The following FSTL5 variants were observed in gnomAD, a reference collection of about 807,000 sequenced individuals.
FSTL5 encodes follistatin-related protein 5.
FSTL5 carries 62 observed loss-of-function variants against 89.1 expected under a neutral mutation model. The ratio of observed to expected loss-of-function variants is 0.70; its 90% CI spans 0.57 to 0.86. The LOEUF (loss-of-function observed/expected upper bound fraction) is 0.86, where lower values mean the gene tolerates loss of function less well. Among genes scored for constraint, FSTL5 ranks in the 40% least tolerant of loss-of-function variants. FSTL5 has a pLI of 0.00. For missense variants in FSTL5, 1,057 were observed against 1,001.6 expected (o/e 1.06, Z -0.75); for synonymous variants, 383 against 346.2 (o/e 1.11, Z -1.18).
chr4:161,735,843 T>G (rs1739792032), intron 6 of FSTL5, among the ~76,000 whole-genome samples: 1 of 152,138 alleles, frequency 6.6e-6, no homozygotes. Flanking sequence ...ATGTTGATTC[T>G]TATAAAGAGT....
chr4:162,009,497 G>C (rs1288315294), intron 3 of FSTL5, among the ~76,000 whole-genome samples: 1 of 151,846 alleles, frequency 6.6e-6, no homozygotes, highest in Non-Finnish European at 1.5e-5. Context: ...AATGCAAAAG[G>C]CTACAATTAT....
Position 161,759,398 on chromosome 4 carries a change from A to G in FSTL5, c.727+13T>C. On this transcript the variant is annotated intron_variant, in intron 6 of 15. Coordinates refer to ENST00000306100, the MANE Select transcript of FSTL5 (RefSeq NM_020116.5). ...AGAACAAAGGGAAATTGGAGAATGAATCTTGTACTCACGGAATGCTCTATA... is the reference window on the plus strand; with the variant it reads ...AGAACAAAGGGAAATTGGAGAATGAGTCTTGTACTCACGGAATGCTCTATA... 6.3e-7 allele frequency: 1 copy of G among 1,575,436 alleles called. No homozygotes were observed. The highest frequency in any genetic ancestry group is 8.6e-7 in the Non-Finnish European group (1 of 1,164,802).
chr4:161,742,806 A>G (rs1740072488), intron 6 of FSTL5, among the ~76,000 whole-genome samples: 1 of 152,236 alleles, frequency 6.6e-6, no homozygotes, highest in Admixed American at 6.5e-5. Flanking sequence ...TTTTGCAGAA[A>G]TAGAAAAAAT....
chr4:161,906,608 T>G (rs1354499767), intron 4 of FSTL5, among the ~76,000 whole-genome samples: 1 of 152,134 alleles, frequency 6.6e-6, no homozygotes, highest in African/African-American at 2.4e-5. Context: ...AAATGGTTCC[T>G]CTTTGGTGAG....
intron 5 of FSTL5, among the ~76,000 whole-genome samples, chr4:161,772,414 G>T (rs146698349): frequency 2.4e-4 from 37 of 152,136 alleles, no homozygotes; most frequent in Non-Finnish European, 4.4e-4. Context: ...AACTGTCGCT[G>T]TTTGCTGATA....
At chr4:162,006,269 T>A (rs1462146063) in intron 3 of FSTL5, among the ~76,000 whole-genome samples, 2 of 151,986 alleles carry the variant, frequency 1.3e-5, no homozygotes, top group Non-Finnish European at 2.9e-5. Flanking sequence ...CTTTAGTAAG[T>A]GTATACAAGG....
intron 4 of FSTL5, among the ~76,000 whole-genome samples, chr4:161,830,696 G>A (rs574503897): frequency 5.9e-5 from 9 of 152,078 alleles, no homozygotes; most frequent in African/African-American, 1.7e-4. Flanking sequence ...TGAAATGCTT[G>A]TGAAAGTTAT....
intron 5 of FSTL5, among the ~76,000 whole-genome samples, chr4:161,766,385 C>G (rs1338145830): frequency 6.6e-6 from 1 of 152,140 alleles, no homozygotes; most frequent in Non-Finnish European, 1.5e-5. Context: ...ACACTGTGAA[C>G]CAAATATGCA....
In FSTL5 at chr4:161,460,634, C is replaced by T. The variant is rs1397996498; in HGVS notation, c.1609-1315G>A. On this transcript the variant is annotated intron_variant, in intron 13 of 15. Transcript: ENST00000306100. ...TAAATGTTAACAAGTCTCACTAAGG[C>T]ATCTCTTTTCGAAAATAATGCCCTT... Among the ~76,000 whole-genome samples the T allele has an allele frequency of 3.3e-5, 5 of 152,294 alleles. No homozygotes were observed. The East Asian group carries it at 9.6e-4, about 29-fold the overall frequency.
intron 1 of FSTL5, among the ~76,000 whole-genome samples, chr4:162,142,713 A>T (rs1320264641): frequency 2.6e-5 from 4 of 152,124 alleles, no homozygotes; most frequent in African/African-American, 9.7e-5. Context: ...TTATTGATAT[A>T]CTCCAATTTT....
At chr4:161,398,849 T>G (rs1041947674) in intron 15 of FSTL5, among the ~76,000 whole-genome samples, 1 of 152,068 alleles carries the variant, frequency 6.6e-6, no homozygotes, top group African/African-American at 2.4e-5. Context: ...TAACAATAAA[T>G]ATGAATAAAG....
chr4:161,466,875 T>C (rs956807537), intron 13 of FSTL5, among the ~76,000 whole-genome samples: 3 of 152,138 alleles, frequency 2.0e-5, no homozygotes, highest in Admixed American at 6.5e-5. Context: ...TAATTTATTA[T>C]AGTTTTTAAA....
At chr4:162,090,981 T>C (rs1443567687) in intron 2 of FSTL5, among the ~76,000 whole-genome samples, 1 of 152,216 alleles carries the variant, frequency 6.6e-6, no homozygotes. Flanking sequence ...CTGCTCCTCA[T>C]GTTTTTAAAC....
chr4:161,675,467 A>T (rs764242944), intron 6 of FSTL5, among the ~76,000 whole-genome samples: 7 of 151,484 alleles, frequency 4.6e-5, no homozygotes, highest in Non-Finnish European at 5.9e-5. Context: ...CCATTTTGTT[A>T]ATATAACAAC....
chr4:161,924,071 CTAAGTACATTCAGTCAGA>C (rs1734062102), intron 3 of FSTL5, among the ~76,000 whole-genome samples: 1 of 151,722 alleles, frequency 6.6e-6, no homozygotes, highest in South Asian at 2.1e-4. Context: ...AAGATTTCTT[CTAAGTACATTCAGTCAGA>C]TAACACACTA....
chr4:161,779,100 G>A (rs9686044), intron 4 of FSTL5, among the ~76,000 whole-genome samples: 111,535 of 152,018 alleles, frequency 0.73, 40,974 homozygotes, highest in Non-Finnish European at 0.76. Context: ...CCTTTAACCA[G>A]TATTTAAAAC....
intron 12 of FSTL5, among the ~76,000 whole-genome samples, chr4:161,485,798 G>A (rs1382068628): frequency 6.6e-6 from 1 of 151,988 alleles, no homozygotes; most frequent in Non-Finnish European, 1.5e-5. Context: ...GTAAACGTAT[G>A]GACTTTGGAA....
intron 13 of FSTL5, among the ~76,000 whole-genome samples, chr4:161,472,871 T>C (rs137966846): frequency 0.069 from 10,442 of 151,642 alleles, 473 homozygotes; most frequent in Middle Eastern, 0.11. Context: ...ATTACAGGAG[T>C]GTACCACCAT....
chr4:161,434,980 C>A (rs556624688), intron 15 of FSTL5, among the ~76,000 whole-genome samples: 1 of 151,960 alleles, frequency 6.6e-6, no homozygotes, highest in African/African-American at 2.4e-5. Flanking sequence ...AGTGGCAATG[C>A]AATTAGAAAA....
Sources: gnomAD v4.1 joint callset for allele counts (sites outside exome capture counted in the v4.1 genomes callset) on GRCh38, gnomAD v4.1.1 for gene constraint, MANE v1.5 for transcripts, NCBI Gene and HGNC (gene_info 2026-07-23, HGNC 2026-07-21) for gene names.